Variants in FOXP2 observed in about 807,000 individuals in gnomAD.
FOXP2 encodes the protein forkhead box P2.
Under a neutral mutation model 115.8 loss-of-function variants are expected in FOXP2, and 12 were observed. The observed-to-expected ratio is 0.10, with a 90% CI of 0.07 to 0.17. FOXP2 has a LOEUF of 0.17. Among genes scored for constraint, FOXP2 ranks in the 10% least tolerant of loss-of-function variants. The pLI is 1.00. For missense variants in FOXP2, 629 were observed against 843.5 expected (o/e 0.75, Z 3.15); for synonymous variants, 328 against 297.7 (o/e 1.10, Z -1.05).
At chr7:114,531,071 A>G (rs745997387) in intron 2 of FOXP2, among the ~76,000 whole-genome samples, 1 of 151,822 alleles carries the variant, frequency 6.6e-6, no homozygotes. Flanking sequence ...TTAAAAACAA[A>G]TGTGTTTTTG....
intron 1 of FOXP2, among the ~76,000 whole-genome samples, chr7:114,220,023 T>A (rs905989015): frequency 1.3e-5 from 2 of 148,876 alleles, no homozygotes; most frequent in Non-Finnish European, 3.0e-5. Flanking sequence ...CGCACCACCA[T>A]GCTCAGCTAA....
At chr7:114,333,915 A>T (rs534938032) in intron 2 of FOXP2, among the ~76,000 whole-genome samples, 6 of 151,794 alleles carry the variant, frequency 4.0e-5, no homozygotes, top group African/African-American at 1.4e-4. Flanking sequence ...AGCTACATTT[A>T]TACTTGGTGC....
rs576000167 is a variant in FOXP2 at position 114,172,989 on chromosome 7, GTTTA to G, written c.-102+9907_-102+9910del. Among the ~76,000 whole-genome samples, 466 of 152,030 alleles carry G rather than the reference GTTTA, an allele frequency of 3.1e-3. 1 individual carries two copies. The highest frequency in any genetic ancestry group is 4.2e-3 in the Non-Finnish European group (286 of 67,914). On this transcript the variant is annotated intron_variant, in intron 1 of 17. Coordinates refer to the FOXP2 transcript ENST00000634411. ...ATATATTTAATAACTTTTAATCACA[GTTTA>G]TTTATCTATCATAAACTTGTCTTTA...
At chr7:114,214,539 G>C (rs1438008644) in intron 1 of FOXP2, among the ~76,000 whole-genome samples, 1 of 152,098 alleles carries the variant, frequency 6.6e-6, no homozygotes, top group Non-Finnish European at 1.5e-5. Context: ...GGCTACTGAA[G>C]TTCAGAGGCC....
At chr7:114,108,360 T>C (rs1791176906) in intron 1 of FOXP2, among the ~76,000 whole-genome samples, 1 of 151,962 alleles carries the variant, frequency 6.6e-6, no homozygotes, top group Non-Finnish European at 1.5e-5. Flanking sequence ...CTTCTTTCCA[T>C]ATTCAGAGGC....
intron 2 of FOXP2, among the ~76,000 whole-genome samples, chr7:114,362,062 A>G (rs745804692): frequency 6.6e-6 from 1 of 151,982 alleles, no homozygotes; most frequent in Non-Finnish European, 1.5e-5. Context: ...ATATGATGAA[A>G]CTATGGTGGC....
intron 8 of FOXP2, among the ~76,000 whole-genome samples, chr7:114,648,081 C>G (rs1167001836): frequency 6.6e-6 from 1 of 151,984 alleles, no homozygotes; most frequent in African/African-American, 2.4e-5. Flanking sequence ...ACAGTGGAAA[C>G]AGAGTAGTTT....
intron 2 of FOXP2, among the ~76,000 whole-genome samples, chr7:114,381,738 G>A (rs1219643077): frequency 6.6e-6 from 1 of 152,132 alleles, no homozygotes; most frequent in African/African-American, 2.4e-5. Flanking sequence ...TTGGGTTTCT[G>A]TACTCCTAAA....
At position 114,340,512 on chromosome 7, in the gene FOXP2, T is replaced by C. The variant is rs1318635012; in HGVS notation, c.-11+52403T>C. ...GTTAATTTTGGTCTTAAAATTCAGG[T>C]ACATAACTATTTTAATTCAAACTTG... is the stretch of plus-strand genomic sequence containing the variant. On this transcript the variant is annotated intron_variant, in intron 2 of 17. Transcript: ENST00000634411. Among the ~76,000 whole-genome samples the C allele has an allele frequency of 2.0e-5, 3 of 151,124 alleles. No homozygotes were observed. In the East Asian group the frequency reaches 5.8e-4, roughly 29 times the overall value.
chr7:114,537,295 T>C (rs753346365), intron 3 of FOXP2, among the ~76,000 whole-genome samples: 4 of 151,604 alleles, frequency 2.6e-5, no homozygotes, highest in Non-Finnish European at 4.4e-5. Flanking sequence ...AATCTGTAGG[T>C]GCAAGGCAAG....
intron 2 of FOXP2, among the ~76,000 whole-genome samples, chr7:114,349,452 C>T (rs1045056457): frequency 2.0e-5 from 3 of 152,026 alleles, no homozygotes; most frequent in African/African-American, 7.2e-5. Flanking sequence ...ATATCCAGAG[C>T]CAGTATTTTA....
chr7:114,377,655 A>G (rs953920975), intron 2 of FOXP2, among the ~76,000 whole-genome samples: 1 of 152,180 alleles, frequency 6.6e-6, no homozygotes, highest in Non-Finnish European at 1.5e-5. Context: ...GTTTCTGGCG[A>G]AGGATGGGAC....
chr7:114,689,732 CTGTT>C (rs909237113), intron 16 of FOXP2, 46 bp from the exon 17 acceptor site: 2 of 1,608,488 alleles, frequency 1.2e-6, no homozygotes, highest in Non-Finnish European at 1.7e-6. Flanking sequence ...TGGCCAAACT[CTGTT>C]TGTTGCTTAC....
At chr7:114,231,118 T>C (rs1448607667) in intron 1 of FOXP2, among the ~76,000 whole-genome samples, 2 of 151,986 alleles carry the variant, frequency 1.3e-5, no homozygotes, top group Non-Finnish European at 1.5e-5. Context: ...AAAATGAAAT[T>C]ATGAAAACAA....
At chr7:114,186,214 T>A (rs1793602319) in intron 1 of FOXP2, among the ~76,000 whole-genome samples, 1 of 152,094 alleles carries the variant, frequency 6.6e-6, no homozygotes, top group Admixed American at 6.5e-5. Context: ...ACAAAATAAA[T>A]TCCTTCCATC....
chr7:114,341,510 C>T (rs1562878381), intron 2 of FOXP2, among the ~76,000 whole-genome samples: 1 of 151,096 alleles, frequency 6.6e-6, no homozygotes, highest in South Asian at 2.1e-4. Context: ...AACAGCATGC[C>T]CAGGAGGATG....
At chr7:114,107,313 G>A (rs148845477) in intron 1 of FOXP2, among the ~76,000 whole-genome samples, 27 of 152,016 alleles carry the variant, frequency 1.8e-4, no homozygotes, top group African/African-American at 6.0e-4. Context: ...TCTAATGGTC[G>A]AGACCATTTT....
At chr7:114,438,731 C>T (rs1290246673) in intron 2 of FOXP2, among the ~76,000 whole-genome samples, 1 of 151,958 alleles carries the variant, frequency 6.6e-6, no homozygotes, top group Non-Finnish European at 1.5e-5. Flanking sequence ...AAAGTCACAG[C>T]TAGAATAAAA....
chr7:114,552,431 C>T (rs9641517), intron 3 of FOXP2, among the ~76,000 whole-genome samples: 26,162 of 152,066 alleles, frequency 0.17, 2,695 homozygotes, highest in African/African-American at 0.29. Flanking sequence ...ATTTTGTTAT[C>T]TCAATGCTTT....
Sources: gnomAD v4.1 joint callset for allele counts (sites outside exome capture counted in the v4.1 genomes callset) on GRCh38, gnomAD v4.1.1 for gene constraint, MANE v1.5 for transcripts, NCBI Gene and HGNC (gene_info 2026-07-23, HGNC 2026-07-21) for gene names.